RXRG: variants seen among roughly 807,000 people sequenced by gnomAD.
RXRG encodes the protein retinoic acid receptor RXR-gamma.
A neutral mutation model predicts 49.2 loss-of-function variants in RXRG; 19 were observed. The ratio of observed to expected loss-of-function variants is 0.39; its 90% CI spans 0.27 to 0.57. RXRG has a LOEUF of 0.57. RXRG is among the 20% of genes least tolerant of loss of function. The pLI, the probability that RXRG is intolerant of heterozygous loss-of-function variation, is 0.64. For missense variants in RXRG, 452 were observed against 592.5 expected (o/e 0.76, Z 2.46); for synonymous variants, 224 against 216.6 (o/e 1.03, Z -0.30).
intron 1 of RXRG, among the ~76,000 whole-genome samples, chr1:165,437,473 G>A (rs1054005565): frequency 1.3e-5 from 2 of 152,134 alleles, no homozygotes; most frequent in South Asian, 2.1e-4. Context: ...TTACCCAATG[G>A]TAACATGGGA....
intron 4 of RXRG, among the ~76,000 whole-genome samples, chr1:165,416,072 G>A (rs1020068365): frequency 1.3e-5 from 2 of 152,112 alleles, no homozygotes; most frequent in African/African-American, 4.8e-5. Flanking sequence ...CTTTTAGCAG[G>A]GACACAAAGA....
intron 4 of RXRG, among the ~76,000 whole-genome samples, chr1:165,416,640 C>T (rs55954935): frequency 0.013 from 2,047 of 152,242 alleles, 31 homozygotes; most frequent in Admixed American, 0.02. Flanking sequence ...GTCAGTCTGA[C>T]GATCCATTGG....
intron 1 of RXRG, among the ~76,000 whole-genome samples, chr1:165,432,760 C>G (rs1433521886): frequency 6.6e-6 from 1 of 152,196 alleles, no homozygotes; most frequent in Non-Finnish European, 1.5e-5. Context: ...TGAAAGTAGG[C>G]AGGCTCCTGT....
intron 3 of RXRG, among the ~76,000 whole-genome samples, chr1:165,419,252 G>A (rs959037577): frequency 3.3e-5 from 5 of 152,074 alleles, no homozygotes; most frequent in Non-Finnish European, 5.9e-5. Flanking sequence ...CAAGAAATAC[G>A]CTAAAATATT....
At chr1:165,413,208 G>A (rs976279170) in intron 4 of RXRG, among the ~76,000 whole-genome samples, 3 of 152,088 alleles carry the variant, frequency 2.0e-5, no homozygotes, top group African/African-American at 7.2e-5. Context: ...CAGACATTCT[G>A]AGCTACTGTT....
chr1:165,405,921 A>G (rs1190263582), intron 9 of RXRG, among the ~76,000 whole-genome samples: 1 of 152,360 alleles, frequency 6.6e-6, no homozygotes, highest in Admixed American at 6.5e-5. Context: ...CAGGATAAAC[A>G]GCTAAGTAGA....
intron 2 of RXRG, chr1:165,424,843 T>G (rs1254147370): frequency 1.0e-6 from 1 of 985,486 alleles, no homozygotes; most frequent in Non-Finnish European, 1.2e-6. Context: ...AGGAATAATC[T>G]GCCCAGACGA....
chr1:165,404,004 A>G (rs1416857068), intron 9 of RXRG, among the ~76,000 whole-genome samples: 3 of 152,154 alleles, frequency 2.0e-5, no homozygotes, highest in Non-Finnish European at 4.4e-5. Context: ...CTGACTTTTG[A>G]TCTCTGCTTT....
At chr1:165,410,114 A>T (rs527446845) in intron 6 of RXRG, among the ~76,000 whole-genome samples, 6 of 152,314 alleles carry the variant, frequency 3.9e-5, no homozygotes, top group South Asian at 4.1e-4. Flanking sequence ...CACCCAACAC[A>T]GTCTGTAGCT....
At chr1:165,410,074 T>C (rs1356456469) in intron 6 of RXRG, among the ~76,000 whole-genome samples, 2 of 152,210 alleles carry the variant, frequency 1.3e-5, no homozygotes, top group Non-Finnish European at 2.9e-5. Context: ...TCTGACAACC[T>C]AGTTTTGTTT....
chr1:165,439,644 T>C (rs1658920455), intron 1 of RXRG, among the ~76,000 whole-genome samples: 1 of 152,192 alleles, frequency 6.6e-6, no homozygotes, highest in South Asian at 2.1e-4. Context: ...CCTTGATTTT[T>C]CCCCACTGAG....
At position 165,417,122 on chromosome 1, in the gene RXRG, A is replaced by G; in HGVS notation, c.541T>C (p.Cys181Arg). ...LIYTCRDNKD[C>R]LIDKRQRNRC... ...TTGCGCTGACGCTTGTCAATGAGGC[A>G]GTCTTTATTATCCCGACACGTGTAG... Residue 181 changes from cysteine (C) to arginine (R), a missense_variant, in exon 4 of 10, where the codon TGC (cysteine) becomes CGC (arginine). This residue lies in a region of RXRG where 286 missense variants were observed against 440.9 expected (regional missense o/e 0.65). Coordinates refer to ENST00000359842, the MANE Select transcript of RXRG (RefSeq NM_006917.5). The G allele has an allele frequency of 6.2e-7, 1 of 1,614,230 alleles. No individual in the cohort carries two copies. Among genetic ancestry groups the G allele is most frequent in the Non-Finnish European group, 8.5e-7 (1 of 1,180,016 alleles).
intron 2 of RXRG, among the ~76,000 whole-genome samples, chr1:165,422,990 C>G (rs1293425045): frequency 1.3e-5 from 2 of 152,214 alleles, no homozygotes; most frequent in African/African-American, 4.8e-5. Context: ...TGGCCAGGAG[C>G]CCCTGCAGGA....
At chr1:165,427,125 C>G (rs1458599251) in intron 2 of RXRG, among the ~76,000 whole-genome samples, 5 of 152,172 alleles carry the variant, frequency 3.3e-5, no homozygotes, top group Non-Finnish European at 2.9e-5. Context: ...CAGAAACACC[C>G]AGAACAATGT....
intron 1 of RXRG, among the ~76,000 whole-genome samples, chr1:165,435,631 C>A (rs764699026): frequency 6.6e-6 from 1 of 152,220 alleles, no homozygotes; most frequent in Non-Finnish European, 1.5e-5. Flanking sequence ...CTCTTCACAA[C>A]TTACTTATGG....
chr1:165,438,052 C>A (rs1012787328), intron 1 of RXRG, among the ~76,000 whole-genome samples: 1 of 152,190 alleles, frequency 6.6e-6, no homozygotes, highest in African/African-American at 2.4e-5. Flanking sequence ...GGAATAATTT[C>A]CGCCTTACGG....
chr1:165,414,560 C>T (rs1008863513), intron 4 of RXRG, among the ~76,000 whole-genome samples: 8 of 152,156 alleles, frequency 5.3e-5, no homozygotes, highest in Admixed American at 2.0e-4. Flanking sequence ...TTAATGAAAA[C>T]TGTTACTGTT....
At chr1:165,432,003 A>G (rs1658687347) in intron 1 of RXRG, among the ~76,000 whole-genome samples, 1 of 152,220 alleles carries the variant, frequency 6.6e-6, no homozygotes, top group South Asian at 2.1e-4. Flanking sequence ...AGGATATATA[A>G]AATATCATGA....
chr1:165,444,880 T>C lies in RXRG; in HGVS notation c.14A>G (p.Tyr5Cys), dbSNP rs992096878. The part of the protein sequence containing the change: MYGN[Y>C]SHFMKFPAGY... ...TGCGGGAAACTTCATGAAGTGAGAATAATTTCCATACATGTTTACTCGTCA... is the reference window on the plus strand; with the variant it reads ...TGCGGGAAACTTCATGAAGTGAGAACAATTTCCATACATGTTTACTCGTCA... Residue 5 changes from tyrosine to cysteine, a missense_variant, in exon 1 of 10, where the codon TAT becomes TGT. This residue lies in a region of RXRG where 166 missense variants were observed against 151.7 expected (regional missense o/e 1.09). Transcript: ENST00000359842. 5.0e-6 allele frequency: 8 copies of C among 1,614,036 alleles called. No individual in the cohort carries two copies. The highest frequency in any genetic ancestry group is 5.9e-6 in the Non-Finnish European group (7 of 1,180,010).
Sources: allele counts gnomAD v4.1 joint callset (sites outside exome capture counted in the v4.1 genomes callset), GRCh38; gene constraint gnomAD v4.1.1; regional missense constraint gnomAD v4.1.1; transcripts MANE v1.5; gene names NCBI Gene and HGNC (gene_info 2026-07-23, HGNC 2026-07-21).